ZNF341: variants seen among roughly 807,000 people sequenced by gnomAD.
ZNF341 encodes zinc finger protein 341.
In ZNF341, 52 loss-of-function variants were observed where a neutral mutation model predicts 87.7. The ratio of observed to expected loss-of-function variants is 0.59; its 90% confidence interval spans 0.47 to 0.75. The LOEUF is 0.75. Ranked by LOEUF, ZNF341 falls within the 30% of genes least tolerant of loss-of-function variation. The pLI is 0.00. For missense variants in ZNF341, 977 were observed against 1,145.9 expected (o/e 0.85, Z 2.13); for synonymous variants, 459 against 472.7 (o/e 0.97, Z 0.38).
At chr20:33,777,201 T>C (rs1221547816) in intron 10 of ZNF341, among the ~76,000 whole-genome samples, 1 of 146,578 alleles carries the variant, frequency 6.8e-6, no homozygotes, top group Non-Finnish European at 1.5e-5. Flanking sequence ...CATATGCCTG[T>C]GGTCTCAGCT....
intron 2 of ZNF341, 150 bp from the exon 3 acceptor site, chr20:33,744,953 A>G: frequency 1.5e-6 from 1 of 680,382 alleles, no homozygotes. Context: ...CTGCATGTCA[A>G]GTCGCAGCAT....
At chr20:33,739,779 AT>A (rs1231545091) in intron 1 of ZNF341, among the ~76,000 whole-genome samples, 1 of 152,098 alleles carries the variant, frequency 6.6e-6, no homozygotes, top group East Asian at 1.9e-4. Flanking sequence ...CTGGAAGGTT[AT>A]TTCTTTCACA....
chr20:33,753,433 G>C lies in ZNF341; in HGVS notation c.741+10G>C, dbSNP rs926943028. 3 of 1,582,318 alleles carry C rather than the reference G, an allele frequency of 1.9e-6. No homozygotes were observed. Among genetic ancestry groups the C allele is most frequent in the East Asian group, 4.5e-5 (2 of 44,042 alleles). ...CTACCCACCCCTAGAGGTGAGCAGAGGGGGCAGGGTGGAAGAGGACACTGG... is the reference window on the plus strand; with the variant it reads ...CTACCCACCCCTAGAGGTGAGCAGACGGGGCAGGGTGGAAGAGGACACTGG... On this transcript the variant is annotated intron_variant, in intron 5 of 14. Transcript: ENST00000375200.
intron 3 of ZNF341, among the ~76,000 whole-genome samples, chr20:33,748,302 C>T (rs112620515): frequency 6.6e-6 from 1 of 151,458 alleles, no homozygotes; most frequent in South Asian, 2.1e-4. Context: ...GATCTCTTGA[C>T]CTCGTGATCT....
intron 9 of ZNF341, among the ~76,000 whole-genome samples, chr20:33,768,884 G>A (rs1398294417): frequency 2.0e-5 from 3 of 152,174 alleles, no homozygotes; most frequent in Non-Finnish European, 4.4e-5. Context: ...TCATACAAAT[G>A]AGGCCTGAAA....
intron 1 of ZNF341, among the ~76,000 whole-genome samples, chr20:33,736,577 C>A (rs1231050956): frequency 6.6e-6 from 1 of 152,114 alleles, no homozygotes; most frequent in Non-Finnish European, 1.5e-5. Context: ...GCAACCTCCA[C>A]ATCCCAAGTT....
chr20:33,752,117 C>CG (rs1305993897), intron 4 of ZNF341: 3 of 386,528 alleles, frequency 7.8e-6, no homozygotes, highest in Non-Finnish European at 1.5e-5. Context: ...AGCCCCCCCC[C>CG]CTTTTTTTTT....
At chr20:33,762,148 A>AGAGAGGTCATGGGGTT in intron 8 of ZNF341, 93 bp downstream of exon 8, 4 of 1,220,238 alleles carry the variant, frequency 3.3e-6, no homozygotes, top group Non-Finnish European at 4.5e-6. Flanking sequence ...GGCAAACCCC[A>AGAGAGGTCATGGGGTT]TGACCTCTCT....
chr20:33,785,282 T>A (rs1354350614), intron 12 of ZNF341, among the ~76,000 whole-genome samples: 1 of 152,184 alleles, frequency 6.6e-6, no homozygotes, highest in Non-Finnish European at 1.5e-5. Context: ...TAGGATGTAT[T>A]GCAACAAAAG....
chr20:33,788,699 C>G (rs1276874604), intron 12 of ZNF341, 164 bp from the exon 13 acceptor site: 1 of 694,808 alleles, frequency 1.4e-6, no homozygotes, highest in African/African-American at 1.8e-5. Context: ...ATAGCCCTGT[C>G]TTGTCTCTGG....
chr20:33,770,947 C>T (rs190657382), intron 10 of ZNF341, among the ~76,000 whole-genome samples: 167 of 151,928 alleles, frequency 1.1e-3, no homozygotes, highest in African/African-American at 3.8e-3. Context: ...GGTGAAACCC[C>T]GTCTCTACTA....
intron 5 of ZNF341, 62 bp downstream of exon 5, chr20:33,753,485 C>A (rs1713298412): frequency 1.4e-6 from 2 of 1,474,682 alleles, no homozygotes; most frequent in Non-Finnish European, 1.8e-6. Flanking sequence ...CAACCCGGAC[C>A]CATCCTGAGC....
chr20:33,784,662 C>T (rs1446825129), intron 12 of ZNF341, among the ~76,000 whole-genome samples: 1 of 150,400 alleles, frequency 6.6e-6, no homozygotes, highest in African/African-American at 2.5e-5. Flanking sequence ...GTTGCCCAGG[C>T]TGGAGTGCGG....
intron 5 of ZNF341, among the ~76,000 whole-genome samples, chr20:33,756,517 C>T (rs572814405): frequency 6.6e-6 from 1 of 152,036 alleles, no homozygotes; most frequent in Non-Finnish European, 1.5e-5. Flanking sequence ...CAGGCACACA[C>T]CACCATGCCT....
intron 2 of ZNF341, among the ~76,000 whole-genome samples, chr20:33,744,619 T>G (rs894625723): frequency 3.3e-5 from 5 of 151,782 alleles, no homozygotes; most frequent in Non-Finnish European, 7.4e-5. Context: ...TGAGATGGAG[T>G]CTCGCTCTGT....
At position 33,757,171 on chromosome 20, in the gene ZNF341, T is replaced by C; in HGVS notation, c.765T>C (p.Pro255=). ...AGGTGCCAAACCAGTGTGTGGAGCC[T>C]CCAGTATATCCCACCCCCACAGTGT... ...PLEVPNQCVE[P]PVYPTPTVYS... The change falls in exon 6 of 15, where the codon CCT becomes CCC. Residue 255 remains proline (P), a synonymous_variant. Transcript: ENST00000375200. The C allele has an allele frequency of 6.8e-7, 1 of 1,478,696 alleles. No individual in the cohort carries two copies. The allele number at this position is 1,478,696 out of a possible 1,614,324, so 91.6% of individuals were successfully genotyped here. A position where few individuals can be genotyped will look rare whatever the true frequency, so the allele number is the denominator to read the frequency against.
intron 10 of ZNF341, among the ~76,000 whole-genome samples, chr20:33,774,140 A>T (rs947543229): frequency 1.8e-4 from 27 of 149,874 alleles, no homozygotes; most frequent in African/African-American, 5.6e-4. Flanking sequence ...AAAAAAAAAA[A>T]AATTAGCTGG....
Position 33,757,282 on chromosome 20 carries a change from CT to C in ZNF341, c.879del (p.Phe293LeufsTer7), listed in dbSNP as rs2019197479. 3.7e-6 allele frequency: 6 copies of C among 1,604,886 alleles called. No homozygotes were observed. The highest frequency in any genetic ancestry group is 4.2e-6 in the Non-Finnish European group (5 of 1,176,512). Reference sequence around the variant, plus strand: ...GCGCCACCGGGGGCACGGTGGCCACCTTTGACTCTCCAGCAACGCTGAAGAC... The same window carrying C: ...GCGCCACCGGGGGCACGGTGGCCACCTTGACTCTCCAGCAACGCTGAAGAC... ...TSATGGTVAT[F>X]DSPATLKTRR... On this transcript the variant is annotated frameshift_variant, in exon 6 of 15. Coordinates refer to ENST00000375200, the MANE Select transcript of ZNF341 (RefSeq NM_001282933.2). LOFTEE classifies it high-confidence loss of function.
chr20:33,783,539 A>G (rs2019784925), intron 11 of ZNF341, among the ~76,000 whole-genome samples, 193 bp from the exon 12 acceptor site: 1 of 152,152 alleles, frequency 6.6e-6, no homozygotes, highest in African/African-American at 2.4e-5. Flanking sequence ...CTCAGGGCAG[A>G]CATGTTTTGT....
Sources: gnomAD v4.1 joint callset for allele counts (sites outside exome capture counted in the v4.1 genomes callset) on GRCh38, gnomAD v4.1.1 for gene constraint, MANE v1.5 for transcripts, NCBI Gene and HGNC (gene_info 2026-07-23, HGNC 2026-07-21) for gene names.